The following SYN3 variants were observed in gnomAD, a reference collection of about 807,000 sequenced individuals.
SYN3 encodes synapsin III.
SYN3 carries 35 observed loss-of-function variants against 65.8 expected under a neutral mutation model. That is an observed-to-expected ratio of 0.53 (90% confidence interval 0.41 to 0.70). The LOEUF is 0.70. Ranked by LOEUF, SYN3 falls within the 30% of genes least tolerant of loss-of-function variation. SYN3 has a pLI of 0.00. For synonymous variants in SYN3, 270 were observed against 292.9 expected, an observed-to-expected ratio of 0.92 and a Z score of 0.80; for missense variants, 680 against 749.0, an observed-to-expected ratio of 0.91 and a Z score of 1.08.
At chr22:32,808,570 A>G (rs886381511) in intron 6 of SYN3, among the ~76,000 whole-genome samples, 7 of 152,032 alleles carry the variant, frequency 4.6e-5, no homozygotes, top group Non-Finnish European at 7.4e-5. Flanking sequence ...GCCAGTGTGG[A>G]CCCTGCCTAC....
chr22:32,714,677 AC>A (rs1295833808), intron 6 of SYN3, among the ~76,000 whole-genome samples: 15 of 152,006 alleles, frequency 9.9e-5, no homozygotes, highest in Admixed American at 9.8e-4. Context: ...TAAAATGATT[AC>A]CTAAATCTTG....
rs1555971880 is a variant in SYN3 at position 32,820,259 on chromosome 22, TGTGC to T, written c.711+44652_711+44655del. ...TTTCTCCCCTGTGTGTGTGTGTGTG[TGTGC>T]GTGCGCGTGTGTGTGTGTGTGTGTG... On this transcript the variant is annotated intron_variant, in intron 6 of 13. Coordinates refer to ENST00000358763, the MANE Select transcript of SYN3 (RefSeq NM_003490.4). Among the ~76,000 whole-genome samples the T allele has an allele frequency of 2.0e-5, 3 of 149,040 alleles. No individual in the cohort carries two copies. In the South Asian group the frequency reaches 6.7e-4, roughly 33 times the overall value.
At chr22:32,984,593 C>T (rs1221756158) in intron 2 of SYN3, among the ~76,000 whole-genome samples, 1 of 152,082 alleles carries the variant, frequency 6.6e-6, no homozygotes, top group African/African-American at 2.4e-5. Flanking sequence ...GTACCCAGGG[C>T]ATGGCCTAAG....
intron 4 of SYN3, among the ~76,000 whole-genome samples, chr22:32,886,913 C>T (rs771229736): frequency 5.3e-5 from 8 of 152,232 alleles, no homozygotes; most frequent in Non-Finnish European, 1.0e-4. Flanking sequence ...ATGTTCAAGC[C>T]CTTACATGCT....
chr22:32,712,379 T>G (rs73156413), intron 6 of SYN3, among the ~76,000 whole-genome samples: 2,085 of 152,332 alleles, frequency 0.014, 19 homozygotes, highest in East Asian at 0.03. Context: ...CCCCACCAGA[T>G]ACAAGCTTCA....
intron 6 of SYN3, among the ~76,000 whole-genome samples, chr22:32,686,981 G>A (rs2060599103): frequency 6.6e-6 from 1 of 152,042 alleles, no homozygotes; most frequent in Non-Finnish European, 1.5e-5. Context: ...GTGGAGCAAA[G>A]AGGAGTTGTT....
intron 12 of SYN3, among the ~76,000 whole-genome samples, chr22:32,527,324 G>A (rs1411944445): frequency 9.9e-5 from 15 of 152,222 alleles, no homozygotes; most frequent in Non-Finnish European, 4.4e-5. Context: ...TTACCTCGCA[G>A]TAGAAAGGCT....
At chr22:32,584,161 T>C (rs131047) in intron 7 of SYN3, 12,429 of 152,328 alleles carry the variant, frequency 0.082, 568 homozygotes, top group African/African-American at 0.1. Context: ...TCCTGTTTCC[T>C]TGTTTGGCTG....
chr22:32,656,683 C>A (rs1473554376), intron 6 of SYN3, among the ~76,000 whole-genome samples: 3 of 152,272 alleles, frequency 2.0e-5, no homozygotes, highest in Admixed American at 6.5e-5. Flanking sequence ...TTAGAGGGAG[C>A]AGGACATAGT....
intron 6 of SYN3, among the ~76,000 whole-genome samples, chr22:32,829,254 C>G (rs1310561685): frequency 6.6e-6 from 1 of 152,240 alleles, no homozygotes. Flanking sequence ...CTAAACCCTC[C>G]TTTCGTGATC....
intron 7 of SYN3, among the ~76,000 whole-genome samples, chr22:32,546,702 C>G (rs767326517): frequency 2.0e-5 from 3 of 151,854 alleles, no homozygotes; most frequent in African/African-American, 7.2e-5. Flanking sequence ...GGAAATCCCT[C>G]CAAGGGTTCA....
At chr22:32,934,826 G>C (rs2146714688) in intron 3 of SYN3, among the ~76,000 whole-genome samples, 1 of 152,280 alleles carries the variant, frequency 6.6e-6, no homozygotes, top group East Asian at 1.9e-4. Flanking sequence ...AGTTGCGGGG[G>C]AGGCACACTA....
At chr22:32,630,859 A>G (rs2059737808) in intron 6 of SYN3, among the ~76,000 whole-genome samples, 1 of 152,174 alleles carries the variant, frequency 6.6e-6, no homozygotes, top group Non-Finnish European at 1.5e-5. Context: ...TGAGAAGCCA[A>G]ATACAGGTGT....
chr22:32,529,695 T>C (rs949872341), intron 10 of SYN3, among the ~76,000 whole-genome samples: 1 of 152,156 alleles, frequency 6.6e-6, no homozygotes, highest in African/African-American at 2.4e-5. Flanking sequence ...TCCACGTGAT[T>C]CCCTGGGCAT....
intron 6 of SYN3, among the ~76,000 whole-genome samples, chr22:32,786,341 T>G (rs995721200): frequency 2.6e-5 from 4 of 152,022 alleles, no homozygotes; most frequent in African/African-American, 7.2e-5. Context: ...AAGTACATAT[T>G]GAAATATTCA....
At chr22:32,936,773 T>C (rs973070333) in intron 3 of SYN3, among the ~76,000 whole-genome samples, 3 of 152,146 alleles carry the variant, frequency 2.0e-5, no homozygotes, top group African/African-American at 7.2e-5. Context: ...GACCAGTTTG[T>C]CCCGGTTTGC....
At chr22:32,885,001 T>G (rs956992219) in intron 4 of SYN3, among the ~76,000 whole-genome samples, 1 of 152,244 alleles carries the variant, frequency 6.6e-6, no homozygotes, top group African/African-American at 2.4e-5. Flanking sequence ...GATGGACAGT[T>G]AGGTTGTTTC....
chr22:32,960,144 C>T (rs896090160), intron 3 of SYN3, among the ~76,000 whole-genome samples: 1 of 152,178 alleles, frequency 6.6e-6, no homozygotes, highest in African/African-American at 2.4e-5. Context: ...GCCTTGCTGG[C>T]CCTGGAGGGA....
chr22:32,990,327 T>TCCATCCAC, intron 2 of SYN3, among the ~76,000 whole-genome samples: 1 of 150,914 alleles, frequency 6.6e-6, no homozygotes, highest in East Asian at 2.0e-4. Flanking sequence ...CATCCATCCA[T>TCCATCCAC]CCATCCATCC....
Sources: allele counts gnomAD v4.1 joint callset (sites outside exome capture counted in the v4.1 genomes callset), GRCh38; gene constraint gnomAD v4.1.1; transcripts MANE v1.5; gene names NCBI Gene and HGNC (gene_info 2026-07-23, HGNC 2026-07-21).